Variants in MCM5 observed in about 807,000 individuals in gnomAD.
MCM5 encodes DNA replication licensing factor MCM5.
Under a neutral mutation model 79.9 loss-of-function variants are expected in MCM5, and 46 were observed. The ratio of observed to expected loss-of-function variants is 0.58; its 90% CI spans 0.45 to 0.74. MCM5 has a LOEUF of 0.74. Ranked by LOEUF, MCM5 falls within the 30% of genes least tolerant of loss-of-function variation. The probability of loss-of-function intolerance (pLI) is 0.00; values close to 1 mark genes in which losing one functional copy is unlikely to be tolerated. For synonymous variants in MCM5, 404 were observed against 390.5 expected (o/e 1.03, Z -0.41); for missense variants, 883 against 1,017.0 (o/e 0.87, Z 1.79).
the MCM5 span, among the ~76,000 whole-genome samples, chr22:35,437,665 G>T: frequency 6.6e-6 from 1 of 152,172 alleles, no homozygotes; most frequent in East Asian, 1.9e-4. Context: ...GAAAGAAGAC[G>T]GGTTACAGAA....
At chr22:35,437,411 C>A in the MCM5 span, among the ~76,000 whole-genome samples, 1 of 152,202 alleles carries the variant, frequency 6.6e-6, no homozygotes, top group Non-Finnish European at 1.5e-5. Flanking sequence ...GGCCAGCAGC[C>A]ATCATCATGC....
Position 35,406,296 on chromosome 22 carries a change from A to ACCCCCCCCC in MCM5, c.424-255_424-254insCCCCCCCCC, listed in dbSNP as rs758388958. Among the ~76,000 whole-genome samples, 10 of 120,988 alleles carry ACCCCCCCCC rather than the reference A, an allele frequency of 8.3e-5. 2 individuals carry two copies. The highest frequency in any genetic ancestry group is 1.4e-4 in the Non-Finnish European group (8 of 58,894). The allele number at this position is 120,988 out of a possible 152,430, so 79.4% of individuals were successfully genotyped here. ...TGCTTAGTGTATCTCTTGCCCTGCC[A>ACCCCCCCCC]CCTCCCCCCCCAATTGTGCTGCGAG... On this transcript the variant is annotated intron_variant, in intron 4 of 16. Coordinates refer to ENST00000216122, the MANE Select transcript of MCM5 (RefSeq NM_006739.4).
chr22:35,436,617 C>G, the MCM5 span, among the ~76,000 whole-genome samples: 1 of 152,198 alleles, frequency 6.6e-6, no homozygotes, highest in Non-Finnish European at 1.5e-5. Flanking sequence ...CCCTCTCCCC[C>G]TCAATTCCCC....
chr22:35,452,923 C>A, the MCM5 span, among the ~76,000 whole-genome samples: 1 of 152,150 alleles, frequency 6.6e-6, no homozygotes, highest in East Asian at 1.9e-4. Flanking sequence ...GGAGCACTCT[C>A]ACCCACCCCG....
At chr22:35,411,338 C>G (rs1299946050) in intron 7 of MCM5, 2 of 157,758 alleles carry the variant, frequency 1.3e-5, no homozygotes, top group East Asian at 3.7e-4. Flanking sequence ...CAAGGAGGTG[C>G]TAAAGGAGGT....
intron 8 of MCM5, among the ~76,000 whole-genome samples, chr22:35,412,901 G>A (rs1322769667): frequency 6.6e-6 from 1 of 152,206 alleles, no homozygotes; most frequent in African/African-American, 2.4e-5. Context: ...GGGGGAGACT[G>A]GGGGCCTGGC....
intron 4 of MCM5, among the ~76,000 whole-genome samples, chr22:35,404,865 A>G (rs1289124022): frequency 6.6e-6 from 1 of 152,188 alleles, no homozygotes; most frequent in Non-Finnish European, 1.5e-5. Context: ...GAGCTTTGTG[A>G]AGGGCAAGGG....
At chr22:35,439,044 C>T in the MCM5 span, among the ~76,000 whole-genome samples, 1 of 150,436 alleles carries the variant, frequency 6.6e-6, no homozygotes, top group African/African-American at 2.4e-5. Flanking sequence ...TCCATTCATC[C>T]GTCCACCCAC....
rs1180611774 is a variant in MCM5, at chr22:35,403,229, A to T, written c.190A>T (p.Asn64Tyr). ...KYRDELKRHY[N>Y]LGEYWIEVEM... is the part of the protein sequence containing the mutation. ...CAGGGATGAACTCAAGCGGCATTAC[A>T]ACCTGGGGGAGTACTGGATTGAGGT... The change falls in exon 3 of 17, where the codon AAC (asparagine) becomes TAC (tyrosine). Residue 64 changes from asparagine to tyrosine, a missense_variant. Physicochemically the swap from Asn to Tyr is moderately radical, Grantham distance 143. Around this residue, in one of 3 missense-constraint regions of MCM5, gnomAD observed 455 missense variants for 517.5 expected, o/e 0.88. Transcript: ENST00000216122. 6.2e-7 allele frequency: 1 copy of T among 1,614,078 alleles called. No homozygotes were observed. The highest frequency in any genetic ancestry group is 8.5e-7 in the Non-Finnish European group (1 of 1,180,020).
chr22:35,401,826 T>C (rs1273615848), intron 2 of MCM5: 1 of 399,970 alleles, frequency 2.5e-6, no homozygotes, highest in African/African-American at 2.1e-5. Flanking sequence ...TGAAAGGACT[T>C]AGGGAAGTTT....
intron 4 of MCM5, among the ~76,000 whole-genome samples, chr22:35,405,032 T>C (rs1932170363): frequency 6.6e-6 from 1 of 151,304 alleles, no homozygotes; most frequent in Non-Finnish European, 1.5e-5. Context: ...TTTTTTTTTT[T>C]TTTTTTTTTG....
intron 13 of MCM5, among the ~76,000 whole-genome samples, chr22:35,418,424 C>T (rs982732271): frequency 8.5e-5 from 13 of 152,068 alleles, no homozygotes; most frequent in Admixed American, 2.0e-4. Flanking sequence ...CTTTGGGAGG[C>T]GGAGGCAGGT....
At chr22:35,433,583 G>C in the MCM5 span, among the ~76,000 whole-genome samples, 3 of 152,198 alleles carry the variant, frequency 2.0e-5, no homozygotes, top group African/African-American at 7.2e-5. Flanking sequence ...TGGTTGCCAC[G>C]TGTTGCCATT....
chr22:35,412,455 A>G (rs1932410044), intron 7 of MCM5, 55 bp from the exon 8 acceptor site: 14 of 1,389,584 alleles, frequency 1.0e-5, no homozygotes, highest in African/African-American at 1.5e-5. Flanking sequence ...CAGGATGGGC[A>G]GTGGGCTGGA....
At chr22:35,403,943 A>AAAAAAAAAAC (rs1004224552) in intron 4 of MCM5, among the ~76,000 whole-genome samples, 4 of 150,952 alleles carry the variant, frequency 2.6e-5, no homozygotes, top group Non-Finnish European at 5.9e-5. Context: ...AAACAAAACA[A>AAAAAAAAAAC]AAAAAAAACA....
the MCM5 span, among the ~76,000 whole-genome samples, chr22:35,435,051 T>C: frequency 1.3e-5 from 2 of 152,202 alleles, no homozygotes; most frequent in African/African-American, 2.4e-5. Context: ...CTCAGGAGGC[T>C]GAGGCAGGAG....
At chr22:35,416,546 TG>T in intron 11 of MCM5, 91 bp from the exon 12 acceptor site, 1 of 825,272 alleles carries the variant, frequency 1.2e-6, no homozygotes, top group East Asian at 2.6e-5. Context: ...TGTGTGTGTG[TG>T]TGTGTGTGTG....
intron 12 of MCM5, 88 bp downstream of exon 12, chr22:35,416,902 C>CT: frequency 6.8e-7 from 1 of 1,471,326 alleles, no homozygotes. Context: ...GAACAAGGGC[C>CT]TTGGCTGGCA....
intron 6 of MCM5, 164 bp from the exon 7 acceptor site, chr22:35,410,580 G>A: frequency 1.5e-6 from 1 of 684,304 alleles, no homozygotes; most frequent in Non-Finnish European, 2.7e-6. Flanking sequence ...TGGGGAGAGA[G>A]GCCGTTCTCT....
Sources: gnomAD v4.1 joint callset for allele counts (sites outside exome capture counted in the v4.1 genomes callset) on GRCh38, gnomAD v4.1.1 for gene constraint, gnomAD v4.1.1 regional missense constraint, MANE v1.5 for transcripts, NCBI Gene and HGNC (gene_info 2026-07-23, HGNC 2026-07-21) for gene names.